The following GNAS-AS1 variants were observed in gnomAD, a reference collection of about 807,000 sequenced individuals.
GNAS-AS1 encodes GNAS antisense RNA 1 (non-protein coding).
rs776413759 is a variant in GNAS-AS1 at position 58,840,572 on chromosome 20, G to C, written n.819+1365C>G. The C allele has an allele frequency of 6.2e-7, 1 of 1,612,608 alleles. No homozygotes were observed. The highest frequency in any genetic ancestry group is 8.5e-7 in the Non-Finnish European group (1 of 1,179,712). On this transcript the variant is annotated intron_variant and non_coding_transcript_variant, in intron 4 of 4. Transcript: ENST00000424094. The surrounding 1 kb of genome is among the most constrained non-coding windows in gnomAD (Gnocchi z 6.0). Reference sequence around the variant, plus strand: ...GGTGGTGCCCAAGCACTCCACCTTCGGCCAGTCCCTCACCCAGCGTCTGCA... The same window carrying C: ...GGTGGTGCCCAAGCACTCCACCTTCCGCCAGTCCCTCACCCAGCGTCTGCA...
intron 2 of GNAS-AS1, among the ~76,000 whole-genome samples, chr20:58,845,596 A>C (rs73129543): frequency 5.4e-4 from 82 of 152,332 alleles, no homozygotes; most frequent in Non-Finnish European, 9.0e-4. Context: ...TTTTTGTTTT[A>C]TAATTTCTTT....
At chr20:58,827,049 T>C (rs1600644489) in intron 4 of GNAS-AS1, 1 of 152,068 alleles carries the variant, frequency 6.6e-6, no homozygotes, top group East Asian at 1.9e-4. Context: ...GTCACCTTCA[T>C]GAAGGACTAA....
chr20:58,831,290 G>C (rs2085567226), intron 4 of GNAS-AS1, among the ~76,000 whole-genome samples: 1 of 152,204 alleles, frequency 6.6e-6, no homozygotes, highest in Non-Finnish European at 1.5e-5. Flanking sequence ...CAAAAGAAAT[G>C]TGTGGCACTC....
exon 1 of GNAS-AS1, chr20:58,850,869 G>C: frequency 2.5e-6 from 1 of 398,842 alleles, no homozygotes; most frequent in Non-Finnish European, 4.4e-6. Flanking sequence ...CACCCCAGCA[G>C]CACCTCTTCG....
chr20:58,822,351 A>G (rs957463410), intron 4 of GNAS-AS1, among the ~76,000 whole-genome samples: 4 of 152,214 alleles, frequency 2.6e-5, no homozygotes, highest in African/African-American at 9.6e-5. Context: ...TGACAGGCAC[A>G]AGTGGTGGCA....
rs761937008 is a variant in GNAS-AS1, at chr20:58,840,270, G to A, written n.819+1667C>T. ...ACCTCCAACGCCCGTGCCCAGCAGC[G>A]CGCGGCTGCCCAACAGCGCCGGAGC... On this transcript the variant is annotated intron_variant and non_coding_transcript_variant, in intron 4 of 4. Transcript: ENST00000424094. The surrounding 1 kb of genome is among the most constrained non-coding windows in gnomAD (Gnocchi z 6.0). 6.8e-6 allele frequency: 11 copies of A among 1,611,780 alleles called. No homozygotes were observed. Among genetic ancestry groups the A allele is most frequent in the Non-Finnish European group, 9.3e-6 (11 of 1,179,884 alleles).
chr20:58,822,332 AG>A (rs1341676386), intron 4 of GNAS-AS1, among the ~76,000 whole-genome samples: 2 of 152,216 alleles, frequency 1.3e-5, no homozygotes, highest in Non-Finnish European at 2.9e-5. Flanking sequence ...GGCCCCACTC[AG>A]AGATGAGTGA....
intron 4 of GNAS-AS1, among the ~76,000 whole-genome samples, chr20:58,836,986 C>T (rs370232635): frequency 1.1e-4 from 16 of 152,268 alleles, no homozygotes; most frequent in African/African-American, 3.8e-4. Context: ...TGCAGGCAAT[C>T]TCGGTGTATC....
chr20:58,841,293 T>C lies in GNAS-AS1; in HGVS notation n.819+644A>G, dbSNP rs1183836658. 1 of 1,068,314 alleles carries C rather than the reference T, an allele frequency of 9.4e-7. No homozygotes were observed. Among genetic ancestry groups the C allele is most frequent in the Non-Finnish European group, 1.1e-6 (1 of 879,764 alleles). The allele number at this position is 1,068,314 out of a possible 1,614,324, so 66.2% of individuals were successfully genotyped here. On this transcript the variant is annotated intron_variant and non_coding_transcript_variant, in intron 4 of 4. Transcript: ENST00000424094. This position sits in a 1 kb window ranked among gnomAD's most constrained non-coding sequence, Gnocchi z 5.0. Reference sequence around the variant, plus strand: ...TCTCAAATAAGTTGGCCTTCTCAGGTGTCCAAAATGTGGTTCGGAGGTGCG... The same window carrying C: ...TCTCAAATAAGTTGGCCTTCTCAGGCGTCCAAAATGTGGTTCGGAGGTGCG...
chr20:58,820,230 A>T (rs115782332), intron 4 of GNAS-AS1, among the ~76,000 whole-genome samples: 2,645 of 152,354 alleles, frequency 0.017, 83 homozygotes, highest in African/African-American at 0.06. Context: ...GCTGAGCCAC[A>T]CAGGTGGGGC....
chr20:58,848,971 G>A (rs895346926), intron 1 of GNAS-AS1: 3 of 398,326 alleles, frequency 7.5e-6, no homozygotes, highest in Admixed American at 4.4e-5. Context: ...GTTAAATACT[G>A]GGATTTATTC....
intron 4 of GNAS-AS1, chr20:58,826,218 T>C: frequency 5.0e-6 from 2 of 397,332 alleles, no homozygotes; most frequent in Non-Finnish European, 4.4e-6. Context: ...GAATTATTTG[T>C]AGAGTTATGT....
chr20:58,821,048 C>A (rs556885442), intron 4 of GNAS-AS1, among the ~76,000 whole-genome samples: 2 of 152,222 alleles, frequency 1.3e-5, no homozygotes, highest in African/African-American at 2.4e-5. Flanking sequence ...GTCAGGGAGA[C>A]CTTCAAGCCA....
intron 2 of GNAS-AS1, chr20:58,848,793 C>T (rs531077486): frequency 1.5e-5 from 6 of 398,140 alleles, no homozygotes; most frequent in Admixed American, 8.8e-5. Context: ...GCAGGTGCCA[C>T]AGGTGGGTCA....
chr20:58,840,456 C>T lies in GNAS-AS1; in HGVS notation n.819+1481G>A. ...TACGAGACCGAGAGCGAGACCGAGT[C>T]CGAAATCGAGTCCGAGACCGACTTC... On this transcript the variant is annotated intron_variant and non_coding_transcript_variant, in intron 4 of 4. Transcript: ENST00000424094. This position sits in a 1 kb window ranked among gnomAD's most constrained non-coding sequence, Gnocchi z 6.0. 6.2e-7 allele frequency: 1 copy of T among 1,613,400 alleles called. No individual in the cohort carries two copies. The highest frequency in any genetic ancestry group is 8.5e-7 in the Non-Finnish European group (1 of 1,179,704).
chr20:58,831,858 G>A lies in GNAS-AS1; in HGVS notation n.819+10079C>T, dbSNP rs185494281. ...TTCTAAAAGGCAGGAAGCTTATATA[G>A]CCTCAAAATCAAGAATCAAAATCAA... On this transcript the variant is annotated intron_variant and non_coding_transcript_variant, in intron 4 of 4. Transcript: ENST00000424094. 1.0e-3 allele frequency among the ~76,000 whole-genome samples: 152 copies of A among 152,238 alleles called. 4 individuals carry two copies. In the Middle Eastern group the frequency reaches 0.017, roughly 17 times the overall value.
At chr20:58,844,192 C>T (rs2085852473) in intron 2 of GNAS-AS1, 1 of 152,146 alleles carries the variant, frequency 6.6e-6, no homozygotes, top group Admixed American at 6.6e-5. Context: ...GAGCAGAAAC[C>T]ATGGTGTGAG....
At position 58,840,230 on chromosome 20, in the gene GNAS-AS1, C is replaced by T. The variant is rs112532266; in HGVS notation, n.819+1707G>A. On this transcript the variant is annotated intron_variant and non_coding_transcript_variant, in intron 4 of 4. Coordinates refer to ENST00000424094, the Ensembl canonical transcript of GNAS-AS1. The surrounding 1 kb of genome is among the most constrained non-coding windows in gnomAD (Gnocchi z 6.0). ...CTGGCTCTCCTGCTCCATCGCGCTC[C>T]TCCGCGCCCTTGCCACCTCCAACGC... 6 of 1,610,978 alleles carry T rather than the reference C, an allele frequency of 3.7e-6. No homozygotes were observed. The East Asian group carries it at 8.9e-5, about 24-fold the overall frequency.
At chr20:58,842,531 C>T in exon 3 of GNAS-AS1, 1 of 398,594 alleles carries the variant, frequency 2.5e-6, no homozygotes, top group East Asian at 3.6e-5. Context: ...TGGTTGGATG[C>T]TTTTGTGGTC....
Sources: gnomAD v4.1 joint callset for allele counts (sites outside exome capture counted in the v4.1 genomes callset) on GRCh38, gnomAD v4.1.1 for gene constraint, Gnocchi (gnomAD v3.1) non-coding constraint, MANE v1.5 for transcripts, NCBI Gene and HGNC (gene_info 2026-07-23, HGNC 2026-07-21) for gene names.